The following STAC variants were observed in gnomAD, a reference collection of about 807,000 sequenced individuals.
The protein encoded by STAC is SH3 and cysteine-rich domain-containing protein.
STAC carries 43 observed loss-of-function variants against 48.8 expected under a neutral mutation model. The ratio of observed to expected loss-of-function variants is 0.88; its 90% CI spans 0.69 to 1.14. The LOEUF (loss-of-function observed/expected upper bound fraction) is 1.14, where lower values mean the gene tolerates loss of function less well. Among genes scored for constraint, STAC ranks in the 50% most tolerant of loss-of-function variants. The pLI, the probability that STAC is intolerant of heterozygous loss-of-function variation, is 0.00. For missense variants in STAC, 497 were observed against 504.0 expected, an observed-to-expected ratio of 0.99 and a Z score of 0.13; for synonymous variants, 193 against 179.5, an observed-to-expected ratio of 1.07 and a Z score of -0.60.
intron 10 of STAC, among the ~76,000 whole-genome samples, chr3:36,534,695 C>G (rs1575269299): frequency 6.6e-6 from 1 of 151,812 alleles, no homozygotes; most frequent in East Asian, 1.9e-4. Context: ...CCTTTTCCTC[C>G]TCTTCCTCCT....
At chr3:36,381,353 CA>C (rs1196728330) in intron 1 of STAC, among the ~76,000 whole-genome samples, 1 of 152,224 alleles carries the variant, frequency 6.6e-6, no homozygotes, top group Non-Finnish European at 1.5e-5. Flanking sequence ...AACACGTATA[CA>C]AAAAACCAAG....
Position 36,499,566 on chromosome 3 carries a change from A to G in STAC, c.767-4827A>G, listed in dbSNP as rs577162081. ...ATGGAAAGTGGCAAAATAGAAGAAAAAGCATAGAAAATTTGGGACAAATAC... is the reference window on the plus strand; with the variant it reads ...ATGGAAAGTGGCAAAATAGAAGAAAGAGCATAGAAAATTTGGGACAAATAC... On this transcript the variant is annotated intron_variant, in intron 6 of 10. Transcript: ENST00000273183. Among the ~76,000 whole-genome samples, 10 of 152,228 alleles carry G rather than the reference A, an allele frequency of 6.6e-5. No homozygotes were observed. The South Asian group carries it at 2.1e-3, about 32-fold the overall frequency.
intron 1 of STAC, among the ~76,000 whole-genome samples, chr3:36,384,535 TA>T (rs1278102380): frequency 6.6e-6 from 1 of 152,210 alleles, no homozygotes; most frequent in Non-Finnish European, 1.5e-5. Flanking sequence ...AGATGACTGC[TA>T]CCACCAGCCA....
chr3:36,435,758 A>G (rs371660363), intron 1 of STAC, among the ~76,000 whole-genome samples: 123 of 152,234 alleles, frequency 8.1e-4, no homozygotes, highest in African/African-American at 2.6e-3. Context: ...ACAATAACCA[A>G]TTCCTAAACC....
chr3:36,424,395 T>C (rs58052156), intron 1 of STAC, among the ~76,000 whole-genome samples: 3,528 of 152,268 alleles, frequency 0.023, 56 homozygotes, highest in East Asian at 0.026. Flanking sequence ...ATATGAACCC[T>C]TGGTTTTTAA....
At chr3:36,533,271 AC>A (rs1699115046) in intron 10 of STAC, among the ~76,000 whole-genome samples, 1 of 152,114 alleles carries the variant, frequency 6.6e-6, no homozygotes, top group Non-Finnish European at 1.5e-5. Context: ...TCAGACTGAC[AC>A]CCCATCTCTG....
intron 1 of STAC, among the ~76,000 whole-genome samples, chr3:36,422,955 A>G (rs1575188681): frequency 6.6e-6 from 1 of 152,142 alleles, no homozygotes; most frequent in South Asian, 2.1e-4. Flanking sequence ...ATGAATGTTC[A>G]CTGGCTCAAA....
chr3:36,438,534 G>A (rs1443886212), intron 1 of STAC, among the ~76,000 whole-genome samples: 1 of 152,148 alleles, frequency 6.6e-6, no homozygotes, highest in Non-Finnish European at 1.5e-5. Flanking sequence ...GTTCCTTTGA[G>A]TTCATGTCTG....
intron 2 of STAC, among the ~76,000 whole-genome samples, chr3:36,452,858 C>T (rs1320882786): frequency 6.6e-6 from 1 of 152,166 alleles, no homozygotes; most frequent in Non-Finnish European, 1.5e-5. Flanking sequence ...CACTATAAGC[C>T]GAAGGCCTGT....
At chr3:36,525,972 C>T (rs1234479332) in intron 8 of STAC, among the ~76,000 whole-genome samples, 2 of 152,164 alleles carry the variant, frequency 1.3e-5, no homozygotes, top group Non-Finnish European at 2.9e-5. Context: ...AATTCCTAAA[C>T]ATGTCAGAAA....
At chr3:36,390,654 CTG>C (rs894143414) in intron 1 of STAC, among the ~76,000 whole-genome samples, 1 of 151,874 alleles carries the variant, frequency 6.6e-6, no homozygotes, top group African/African-American at 2.4e-5. Context: ...TGTTCGATAA[CTG>C]TCACTTTTGT....
intron 2 of STAC, among the ~76,000 whole-genome samples, chr3:36,464,445 AT>A (rs1447378493): frequency 6.6e-6 from 1 of 151,326 alleles, no homozygotes; most frequent in South Asian, 2.1e-4. Context: ...TTTTTAATTT[AT>A]TTTTTTATTT....
chr3:36,485,420 C>CCTGTCAA lies in STAC; in HGVS notation c.571+364_571+370dup, dbSNP rs1444559030. Among the ~76,000 whole-genome samples the CCTGTCAA allele has an allele frequency of 3.3e-5, 5 of 152,306 alleles. No homozygotes were observed. The East Asian group carries it at 9.6e-4, about 29-fold the overall frequency. ...GTGTGTCTTTGAACAAGTTACTTGA[C>CCTGTCAA]CTGTCAACCCCCACAAAATGAGAAC... On this transcript the variant is annotated intron_variant, in intron 4 of 10. Transcript: ENST00000273183.
intron 2 of STAC, among the ~76,000 whole-genome samples, chr3:36,465,216 T>G (rs1408561963): frequency 6.6e-6 from 1 of 152,250 alleles, no homozygotes; most frequent in African/African-American, 2.4e-5. Context: ...TAATTAGTGA[T>G]GTTGAACATT....
intron 2 of STAC, among the ~76,000 whole-genome samples, chr3:36,480,028 G>C (rs1697602142): frequency 6.6e-6 from 1 of 152,162 alleles, no homozygotes; most frequent in South Asian, 2.1e-4. Context: ...TGTACTACAT[G>C]TATAAGAACA....
intron 2 of STAC, among the ~76,000 whole-genome samples, chr3:36,481,179 G>A (rs191744327): frequency 9.0e-4 from 137 of 152,222 alleles, no homozygotes; most frequent in African/African-American, 3.2e-3. Context: ...TAAAGAGCTC[G>A]AGTATTCAAG....
chr3:36,507,358 GGGATATTGGCCTGA>G (rs1698429391), intron 8 of STAC, among the ~76,000 whole-genome samples: 1 of 152,158 alleles, frequency 6.6e-6, no homozygotes, highest in Non-Finnish European at 1.5e-5. Context: ...ATGTTCATCA[GGGATATTGGCCTGA>G]AATTTTCTTT....
chr3:36,458,648 G>C (rs77788886), intron 2 of STAC, among the ~76,000 whole-genome samples: 2,128 of 152,196 alleles, frequency 0.014, 22 homozygotes, highest in Non-Finnish European at 0.021. Flanking sequence ...AAAATGAGAG[G>C]GTTGGCTAGA....
intron 2 of STAC, among the ~76,000 whole-genome samples, chr3:36,468,487 C>T (rs1697236241): frequency 6.6e-6 from 1 of 151,728 alleles, no homozygotes; most frequent in Non-Finnish European, 1.5e-5. Flanking sequence ...CTAGTGTTGT[C>T]AGTGGAGTAT....
Sources: gnomAD v4.1 joint callset for allele counts (sites outside exome capture counted in the v4.1 genomes callset) on GRCh38, gnomAD v4.1.1 for gene constraint, MANE v1.5 for transcripts, NCBI Gene and HGNC (gene_info 2026-07-23, HGNC 2026-07-21) for gene names.